The following COG6 variants were observed in gnomAD, a reference collection of about 807,000 sequenced individuals.
The protein encoded by COG6 is conserved oligomeric Golgi complex subunit 6.
COG6 carries 74 observed loss-of-function variants against 88.8 expected under a neutral mutation model. That is an observed-to-expected ratio of 0.83 (90% CI 0.69 to 1.01). The LOEUF (loss-of-function observed/expected upper bound fraction) is 1.01, where lower values mean the gene tolerates loss of function less well. COG6 is among the 50% of genes least tolerant of loss of function. COG6 has a pLI of 0.00. For missense variants in COG6, 800 were observed against 797.9 expected (o/e 1.00, Z -0.03); for synonymous variants, 286 against 278.7 (o/e 1.03, Z -0.26).
chr13:39,756,604 A>G (rs1053898007), downstream of COG6, among the ~76,000 whole-genome samples: 3 of 152,310 alleles, frequency 2.0e-5, no homozygotes, highest in African/African-American at 7.2e-5. Flanking sequence ...CCAAAGGCTA[A>G]GAGGGAATCT....
At chr13:39,744,084 G>A (rs1880201689) in intron 18 of COG6, among the ~76,000 whole-genome samples, 1 of 152,090 alleles carries the variant, frequency 6.6e-6, no homozygotes, top group African/African-American at 2.4e-5. Context: ...CAATAAACTA[G>A]GTATTGATGG....
chr13:39,731,161 G>A, intron 18 of COG6, among the ~76,000 whole-genome samples: 1 of 151,950 alleles, frequency 6.6e-6, no homozygotes, highest in East Asian at 1.9e-4. Flanking sequence ...ATCTGTTTTT[G>A]GTTTTTTCCT....
In COG6 at chr13:39,679,552, A is replaced by G. The variant is rs757250666; in HGVS notation, c.555A>G (p.Ala185=). The G allele has an allele frequency of 6.3e-7, 1 of 1,590,474 alleles. No individual in the cohort carries two copies. Among genetic ancestry groups the G allele is most frequent in the Admixed American group, 1.7e-5 (1 of 59,966 alleles). ...TAATTTTAAAGGATTTTTTCAAGGC[A>G]CTGGGAAGAGTAAAACAGATTCATA... ...EGPITEDFFK[A]LGRVKQIHND... is the part of the protein sequence containing the mutation. Residue 185 remains alanine, a synonymous_variant, in exon 6 of 19, where the codon GCA becomes GCG. Coordinates refer to ENST00000455146, the MANE Select transcript of COG6 (RefSeq NM_020751.3).
intron 18 of COG6, 47 bp from the exon 19 acceptor site, chr13:39,750,899 A>G (rs1396603905): frequency 1.4e-6 from 2 of 1,447,010 alleles, no homozygotes; most frequent in Non-Finnish European, 1.9e-6. Flanking sequence ...CTTAGTAAAT[A>G]TATTTTTTTC....
chr13:39,697,641 A>G (rs1023392766), intron 12 of COG6, among the ~76,000 whole-genome samples: 2 of 151,896 alleles, frequency 1.3e-5, no homozygotes, highest in Non-Finnish European at 2.9e-5. Context: ...CCAACAAGTA[A>G]TCCGCCTCTC....
intron 13 of COG6, among the ~76,000 whole-genome samples, chr13:39,702,547 G>A (rs552543107): frequency 6.6e-6 from 1 of 151,892 alleles, no homozygotes; most frequent in Non-Finnish European, 1.5e-5. Context: ...ATTAAAACAA[G>A]TCATTGATGA....
At chr13:39,714,021 A>G (rs1289011938) in intron 13 of COG6, among the ~76,000 whole-genome samples, 1 of 152,224 alleles carries the variant, frequency 6.6e-6, no homozygotes, top group African/African-American at 2.4e-5. Context: ...CTTGAGTTCA[A>G]GTAGCACTCA....
intron 18 of COG6, among the ~76,000 whole-genome samples, chr13:39,728,527 T>A (rs764104449): frequency 3.9e-5 from 6 of 151,924 alleles, no homozygotes; most frequent in Non-Finnish European, 8.8e-5. Flanking sequence ...GGTGAGTGAC[T>A]AGAGTAAATG....
intron 18 of COG6, among the ~76,000 whole-genome samples, chr13:39,770,472 T>A (rs140139032): frequency 6.6e-6 from 1 of 152,328 alleles, no homozygotes; most frequent in African/African-American, 2.4e-5. Flanking sequence ...AAGAGACAAT[T>A]AAGTGATTTG....
In COG6 at chr13:39,788,124, A is replaced by G. The variant is rs376599064; in HGVS notation, c.1827-211A>G. On this transcript the variant is annotated intron_variant, in intron 18 of 18. Transcript: ENST00000416691. ...TGCTTAGAGCTTTTCCTGTGTGACA[A>G]CTGTTACCACTATAAAATAATAAAC... 2.2e-4 allele frequency among the ~76,000 whole-genome samples: 33 copies of G among 152,280 alleles called. No homozygotes were observed. The South Asian group carries it at 6.0e-3, about 28-fold the overall frequency.
intron 17 of COG6, among the ~76,000 whole-genome samples, chr13:39,725,096 C>T (rs569119128): frequency 6.6e-6 from 1 of 151,926 alleles, no homozygotes; most frequent in East Asian, 1.9e-4. Context: ...GTCTTAAATA[C>T]ATATACTTTC....
At chr13:39,758,571 A>C (rs576372298) in intron 18 of COG6, among the ~76,000 whole-genome samples, 1 of 152,288 alleles carries the variant, frequency 6.6e-6, no homozygotes, top group East Asian at 1.9e-4. Context: ...AGGTGGCTAT[A>C]ATGTTAGTAA....
At position 39,658,606 on chromosome 13, in the gene COG6, C is replaced by T. The variant is rs557501578; in HGVS notation, c.154-758C>T. 4.6e-5 allele frequency among the ~76,000 whole-genome samples: 7 copies of T among 152,224 alleles called. No homozygotes were observed. In the South Asian group the frequency reaches 8.3e-4, roughly 18 times the overall value. On this transcript the variant is annotated intron_variant, in intron 1 of 18. Coordinates refer to ENST00000455146, the MANE Select transcript of COG6 (RefSeq NM_020751.3). ...GGAATAAACTTTTATAAATATAAAT[C>T]GTATTACATTACTCCCCTGCCTAAA... is the stretch of plus-strand genomic sequence containing the variant.
At chr13:39,775,319 TCAG>T (rs1881432708) in intron 18 of COG6, among the ~76,000 whole-genome samples, 1 of 152,158 alleles carries the variant, frequency 6.6e-6, no homozygotes. Context: ...GGGCACAAAA[TCAG>T]CATTCACTGG....
Position 39,687,435 on chromosome 13 carries a change from G to T in COG6, c.789-68G>T. 4.3e-6 allele frequency: 6 copies of T among 1,393,496 alleles called. No homozygotes were observed. The South Asian group carries it at 5.8e-5, about 13-fold the overall frequency. The allele number at this position is 1,393,496 out of a possible 1,614,324, so 86.3% of individuals were successfully genotyped here. A position where few individuals can be genotyped will look rare whatever the true frequency, so the allele number is the denominator to read the frequency against. ...TAAGTACTTGGTTGTCTCAGAAATT[G>T]CGTGAATAGTCTGATATAGCCACTA... On this transcript the variant is annotated intron_variant, in intron 8 of 18. Coordinates refer to ENST00000455146, the MANE Select transcript of COG6 (RefSeq NM_020751.3).
At chr13:39,718,139 G>C (rs967887963) in intron 13 of COG6, among the ~76,000 whole-genome samples, 1 of 152,066 alleles carries the variant, frequency 6.6e-6, no homozygotes, top group Non-Finnish European at 1.5e-5. Flanking sequence ...TGTGCATGCT[G>C]TGCATGGACT....
intron 18 of COG6, among the ~76,000 whole-genome samples, chr13:39,745,279 G>GA (rs1473227863): frequency 6.6e-6 from 1 of 152,102 alleles, no homozygotes; most frequent in Non-Finnish European, 1.5e-5. Flanking sequence ...CACAGCAAAA[G>GA]AAACTACCAT....
chr13:39,686,582 C>T (rs946146331), intron 8 of COG6, among the ~76,000 whole-genome samples: 2 of 152,144 alleles, frequency 1.3e-5, no homozygotes, highest in Non-Finnish European at 1.5e-5. Flanking sequence ...ATTTAAGGAA[C>T]ATCTGTTATG....
intron 18 of COG6, among the ~76,000 whole-genome samples, chr13:39,777,699 GGCC>G: frequency 6.6e-6 from 1 of 152,168 alleles, no homozygotes; most frequent in Non-Finnish European, 1.5e-5. Flanking sequence ...GTATCTTTAA[GGCC>G]ATCTGGTCTG....
Sources: gnomAD v4.1 joint callset for allele counts (sites outside exome capture counted in the v4.1 genomes callset) on GRCh38, gnomAD v4.1.1 for gene constraint, MANE v1.5 for transcripts, NCBI Gene and HGNC (gene_info 2026-07-23, HGNC 2026-07-21) for gene names.